Variants in CCDC73 observed in about 807,000 individuals in gnomAD.
CCDC73 encodes the protein coiled-coil domain containing 73, also known as coiled-coil domain-containing protein 73.
In CCDC73, 95 loss-of-function variants were observed where a neutral mutation model predicts 116.5. That is an observed-to-expected ratio of 0.82 (90% CI 0.69 to 0.97). The LOEUF (loss-of-function observed/expected upper bound fraction) is 0.97. Ranked by LOEUF, CCDC73 falls within the 50% of genes least tolerant of loss-of-function variation. CCDC73 has a pLI of 0.00. For missense variants in CCDC73, 1,066 were observed against 1,206.8 expected, an observed-to-expected ratio of 0.88 and a Z score of 1.73; for synonymous variants, 398 against 401.3, an observed-to-expected ratio of 0.99 and a Z score of 0.10.
At chr11:32,754,551 G>T (rs1850315634) in intron 2 of CCDC73, among the ~76,000 whole-genome samples, 1 of 151,990 alleles carries the variant, frequency 6.6e-6, no homozygotes, top group South Asian at 2.1e-4. Context: ...TAAAAATATA[G>T]ATAAATCCAC....
At chr11:32,812,391 C>T in the CCDC73 span, among the ~76,000 whole-genome samples, 3 of 152,130 alleles carry the variant, frequency 2.0e-5, no homozygotes, top group Non-Finnish European at 2.9e-5. Flanking sequence ...ATAGGCCGGG[C>T]GCAGTGGCTC....
chr11:32,634,579 C>T (rs1474161266), intron 14 of CCDC73, among the ~76,000 whole-genome samples: 1 of 152,120 alleles, frequency 6.6e-6, no homozygotes, highest in Non-Finnish European at 1.5e-5. Flanking sequence ...AAAGACTAGT[C>T]TCCATTTAAG....
At chr11:32,812,475 G>T in the CCDC73 span, among the ~76,000 whole-genome samples, 1 of 152,158 alleles carries the variant, frequency 6.6e-6, no homozygotes. Context: ...AGGCTAGCCT[G>T]ACCAACATGG....
At chr11:32,811,026 C>T in the CCDC73 span, among the ~76,000 whole-genome samples, 1 of 151,130 alleles carries the variant, frequency 6.6e-6, no homozygotes, top group Non-Finnish European at 1.5e-5. Context: ...ATAATCCCAG[C>T]TACATGGGAC....
At chr11:32,826,925 G>A in the CCDC73 span, among the ~76,000 whole-genome samples, 3 of 152,166 alleles carry the variant, frequency 2.0e-5, no homozygotes, top group Admixed American at 1.3e-4. Context: ...GCAATGGCGC[G>A]ATCTCGGCTC....
At chr11:32,754,586 T>C (rs890062265) in intron 2 of CCDC73, among the ~76,000 whole-genome samples, 1 of 151,916 alleles carries the variant, frequency 6.6e-6, no homozygotes, top group South Asian at 2.1e-4. Context: ...AAAATAAAGA[T>C]CATCAATGAC....
At chr11:32,799,108 T>C (rs1590654160), upstream of CCDC73, among the ~76,000 whole-genome samples, 1 of 105,826 alleles carries the variant, frequency 9.4e-6, no homozygotes, top group Admixed American at 1.0e-4. Flanking sequence ...TTTTTTTTTT[T>C]TGAGACAGAG....
intron 17 of CCDC73, among the ~76,000 whole-genome samples, chr11:32,607,687 A>T (rs1405675624): frequency 6.6e-6 from 1 of 152,200 alleles, no homozygotes. Context: ...TTTAGTCACC[A>T]TATTTTAATG....
intron 6 of CCDC73, among the ~76,000 whole-genome samples, chr11:32,697,035 A>G (rs1273172847): frequency 6.6e-6 from 1 of 151,258 alleles, no homozygotes; most frequent in Non-Finnish European, 1.5e-5. Flanking sequence ...GGATCTCCCT[A>G]TGTTGCCCAG....
At chr11:32,787,456 C>T (rs1449313868) in intron 1 of CCDC73, among the ~76,000 whole-genome samples, 3 of 152,054 alleles carry the variant, frequency 2.0e-5, no homozygotes. Context: ...TTTATATTTA[C>T]AACTATAAAA....
In CCDC73 at chr11:32,763,794, C is replaced by G. The variant is rs192338398; in HGVS notation, c.-15-3536G>C. Among the ~76,000 whole-genome samples, 1,099 of 152,238 alleles carry G rather than the reference C, an allele frequency of 7.2e-3. 16 individuals are homozygous for G. The highest frequency in any genetic ancestry group is 0.025 in the African/African-American group (1,059 of 41,546). On this transcript the variant is annotated intron_variant, in intron 1 of 17. Coordinates refer to ENST00000335185, the MANE Select transcript of CCDC73 (RefSeq NM_001008391.4). Reference sequence around the variant, plus strand: ...ACTTTGACGATTTGAGAGAAGAAGGCTTCAGATGATCAAACTTCTCCAAGC... The same window carrying G: ...ACTTTGACGATTTGAGAGAAGAAGGGTTCAGATGATCAAACTTCTCCAAGC...
intron 3 of CCDC73, among the ~76,000 whole-genome samples, chr11:32,710,676 T>C (rs898539785): frequency 6.6e-6 from 1 of 152,228 alleles, no homozygotes; most frequent in Non-Finnish European, 1.5e-5. Context: ...TTGGGTAGAA[T>C]GTTCTGTAAA....
chr11:32,821,584 A>G, the CCDC73 span, among the ~76,000 whole-genome samples: 1 of 152,230 alleles, frequency 6.6e-6, no homozygotes, highest in Non-Finnish European at 1.5e-5. Context: ...TTATTTCCTG[A>G]AAAGGTGATG....
intron 9 of CCDC73, among the ~76,000 whole-genome samples, chr11:32,664,757 C>G (rs1298288509): frequency 1.3e-5 from 2 of 151,860 alleles, no homozygotes; most frequent in African/African-American, 4.8e-5. Context: ...GTTAGGGTGT[C>G]AATTTTAGAT....
At chr11:32,636,563 A>G (rs1855680657) in intron 13 of CCDC73, among the ~76,000 whole-genome samples, 1 of 152,134 alleles carries the variant, frequency 6.6e-6, no homozygotes, top group African/African-American at 2.4e-5. Context: ...GTGGTTTTAT[A>G]AAAGTTTAAA....
At chr11:32,776,986 C>CATCTAT in intron 1 of CCDC73, among the ~76,000 whole-genome samples, 1 of 95,764 alleles carries the variant, frequency 1.0e-5, no homozygotes, top group East Asian at 3.1e-4. Context: ...TATATATACA[C>CATCTAT]ATGTATATAT....
At chr11:32,732,736 C>CA (rs1850090718) in intron 2 of CCDC73, among the ~76,000 whole-genome samples, 1 of 152,122 alleles carries the variant, frequency 6.6e-6, no homozygotes, top group African/African-American at 2.4e-5. Flanking sequence ...TTTGTCACCA[C>CA]CAGGCCTGCC....
chr11:32,741,118 GT>G (rs1031037562), intron 2 of CCDC73, among the ~76,000 whole-genome samples: 2 of 152,086 alleles, frequency 1.3e-5, no homozygotes, highest in African/African-American at 2.4e-5. Context: ...AATGATCCAT[GT>G]GCTGAGGAGA....
At position 32,720,298 on chromosome 11, in the gene CCDC73, G is replaced by GA. The variant is rs570791594; in HGVS notation, c.136-2152dup. Among the ~76,000 whole-genome samples the GA allele has an allele frequency of 1.6e-3, 238 of 152,046 alleles. 1 individual carries two copies. Among genetic ancestry groups the GA allele is most frequent in the African/African-American group, 5.3e-3 (220 of 41,500 alleles). ...TCATATGATCGCATCAACCAACACAGAAAAAACACTTAACAAAATTCAACA... is the reference window on the plus strand; with the variant it reads ...TCATATGATCGCATCAACCAACACAGAAAAAAACACTTAACAAAATTCAACA... On this transcript the variant is annotated intron_variant, in intron 2 of 17. Coordinates refer to ENST00000335185, the MANE Select transcript of CCDC73 (RefSeq NM_001008391.4).
Sources: allele counts gnomAD v4.1 joint callset (sites outside exome capture counted in the v4.1 genomes callset), GRCh38; gene constraint gnomAD v4.1.1; transcripts MANE v1.5; gene names NCBI Gene and HGNC (gene_info 2026-07-23, HGNC 2026-07-21).